The following DOCK4 variants were observed in gnomAD, a reference collection of about 807,000 sequenced individuals.
DOCK4 encodes dedicator of cytokinesis 4.
Under a neutral mutation model 268.1 loss-of-function variants are expected in DOCK4, and 97 were observed. The observed-to-expected ratio is 0.36, with a 90% CI of 0.31 to 0.43. DOCK4 has a LOEUF of 0.43. DOCK4 is among the 20% of genes least tolerant of loss of function. The pLI is 1.00. For synonymous variants in DOCK4, 954 were observed against 887.2 expected (o/e 1.08, Z -1.34); for missense variants, 2,145 against 2,455.7 (o/e 0.87, Z 2.67).
rs1466367655 is a variant in DOCK4 at position 112,044,395 on chromosome 7, G to A, written c.38-40264C>T. ...CTCATTCTACTTTTCTGAGCTTTAGGTTCTCCATTTCCATAAAAATGATCT... is the reference window on the plus strand; with the variant it reads ...CTCATTCTACTTTTCTGAGCTTTAGATTCTCCATTTCCATAAAAATGATCT... On this transcript the variant is annotated intron_variant, in intron 1 of 52. Transcript: ENST00000428084. Among the ~76,000 whole-genome samples, 4 of 152,014 alleles carry A rather than the reference G, an allele frequency of 2.6e-5. No homozygotes were observed. The East Asian group carries it at 7.7e-4, about 29-fold the overall frequency.
intron 12 of DOCK4, among the ~76,000 whole-genome samples, chr7:111,933,254 A>G (rs1794391135): frequency 7.0e-6 from 1 of 142,998 alleles, no homozygotes; most frequent in South Asian, 2.2e-4. Context: ...ATATACATAT[A>G]TACTTATATA....
At chr7:112,009,779 A>G (rs1488765786) in intron 1 of DOCK4, among the ~76,000 whole-genome samples, 1 of 152,136 alleles carries the variant, frequency 6.6e-6, no homozygotes, top group East Asian at 1.9e-4. Context: ...AAACAGAGAA[A>G]AAGGAAAGGG....
At position 111,873,006 on chromosome 7, in the gene DOCK4, C is replaced by CCAG. The variant is rs1250478177; in HGVS notation, c.1745-445_1745-443dup. On this transcript the variant is annotated intron_variant, in intron 17 of 52. Coordinates refer to ENST00000428084, the MANE Select transcript of DOCK4 (RefSeq NM_001363540.2). ...ACCTGCTTTATTCCCGTTTGGGTGC[C>CCAG]CAGCACATAGCACTCTGCCTAGCAA... 3.3e-5 allele frequency among the ~76,000 whole-genome samples: 5 copies of CCAG among 152,280 alleles called. No individual in the cohort carries two copies. The East Asian group carries it at 9.6e-4, about 29-fold the overall frequency.
chr7:111,802,243 G>A (rs1800354366), intron 30 of DOCK4, among the ~76,000 whole-genome samples: 1 of 152,128 alleles, frequency 6.6e-6, no homozygotes, highest in Non-Finnish European at 1.5e-5. Flanking sequence ...CCTGGAAATT[G>A]AGTGGGGGGA....
chr7:111,909,922 A>G (rs889156057), intron 13 of DOCK4, among the ~76,000 whole-genome samples: 1 of 151,978 alleles, frequency 6.6e-6, no homozygotes, highest in African/African-American at 2.4e-5. Flanking sequence ...TGATTGTACT[A>G]CTACACTCCA....
At chr7:112,109,036 G>C (rs1200182809) in intron 1 of DOCK4, among the ~76,000 whole-genome samples, 1 of 152,052 alleles carries the variant, frequency 6.6e-6, no homozygotes, top group African/African-American at 2.4e-5. Flanking sequence ...CATTTCAAAA[G>C]ATGGATGTAA....
chr7:112,091,775 T>C (rs1280247097), intron 1 of DOCK4, among the ~76,000 whole-genome samples: 1 of 152,048 alleles, frequency 6.6e-6, no homozygotes, highest in East Asian at 1.9e-4. Flanking sequence ...CTCCTGAGAT[T>C]TGAAATGAAC....
At chr7:112,085,035 T>C (rs2135733347) in intron 1 of DOCK4, among the ~76,000 whole-genome samples, 1 of 152,256 alleles carries the variant, frequency 6.6e-6, no homozygotes, top group East Asian at 1.9e-4. Context: ...AACAGTGCTC[T>C]TACTATATCC....
At chr7:112,103,339 A>T (rs969111285) in intron 1 of DOCK4, among the ~76,000 whole-genome samples, 3 of 152,194 alleles carry the variant, frequency 2.0e-5, no homozygotes, top group Non-Finnish European at 4.4e-5. Context: ...TGAAAAATGA[A>T]TGAGAACTGG....
chr7:111,842,737 T>C (rs770514117), intron 25 of DOCK4, among the ~76,000 whole-genome samples: 2 of 152,190 alleles, frequency 1.3e-5, no homozygotes, highest in Admixed American at 6.5e-5. Context: ...ACGGTCACCA[T>C]GGCCCAGCAG....
chr7:112,069,159 C>T (rs1401977247), intron 1 of DOCK4, among the ~76,000 whole-genome samples: 2 of 152,182 alleles, frequency 1.3e-5, no homozygotes, highest in African/African-American at 2.4e-5. Context: ...ATGGCTTGTA[C>T]ACCAAGCCGT....
chr7:111,784,082 C>T lies in DOCK4; in HGVS notation c.3428+15G>A, dbSNP rs1447865720. ...AACATCTCACAAGTAGCACAATTTG[C>T]AAACAATGTCTTACCTAGGATAGGG... On this transcript the variant is annotated intron_variant, in intron 33 of 52. Coordinates refer to ENST00000428084, the MANE Select transcript of DOCK4 (RefSeq NM_001363540.2). 1.9e-6 allele frequency: 3 copies of T among 1,580,298 alleles called. No individual in the cohort carries two copies. The South Asian group carries it at 3.4e-5, about 18-fold the overall frequency.
chr7:112,135,544 A>G (rs750457321), intron 1 of DOCK4, among the ~76,000 whole-genome samples: 1 of 152,178 alleles, frequency 6.6e-6, no homozygotes, highest in Non-Finnish European at 1.5e-5. Flanking sequence ...TATATAATCT[A>G]TCTCCTTTAA....
chr7:111,793,290 C>G (rs1025169944), intron 30 of DOCK4, among the ~76,000 whole-genome samples: 1 of 152,170 alleles, frequency 6.6e-6, no homozygotes, highest in African/African-American at 2.4e-5. Flanking sequence ...GAAAAACTTC[C>G]CCACAGTCTA....
chr7:111,940,393 GT>G (rs1175283911), intron 10 of DOCK4, among the ~76,000 whole-genome samples, 151 bp from the exon 11 acceptor site: 1 of 152,206 alleles, frequency 6.6e-6, no homozygotes, highest in African/African-American at 2.4e-5. Flanking sequence ...TATTGCTTCA[GT>G]TCTGGATTCT....
intron 8 of DOCK4, among the ~76,000 whole-genome samples, chr7:111,970,640 A>G (rs575917331): frequency 2.4e-4 from 36 of 152,344 alleles, no homozygotes; most frequent in Non-Finnish European, 4.9e-4. Context: ...CTCGTTTTAT[A>G]AAACTAATAA....
Position 111,755,084 on chromosome 7 carries a change from CT to C in DOCK4, c.4416+430del, listed in dbSNP as rs145864018. ...CTTGCTATGTGATCTTTGGCAAAGGCTTTTGACCTCTTGTCAAAAATTGCAA... is the reference window on the plus strand; with the variant it reads ...CTTGCTATGTGATCTTTGGCAAAGGCTTTGACCTCTTGTCAAAAATTGCAA... On this transcript the variant is annotated intron_variant, in intron 42 of 52. Coordinates refer to ENST00000428084, the MANE Select transcript of DOCK4 (RefSeq NM_001363540.2). Among the ~76,000 whole-genome samples, 946 of 152,290 alleles carry C rather than the reference CT, an allele frequency of 6.2e-3. 7 individuals are homozygous for C. The highest frequency in any genetic ancestry group is 0.022 in the African/African-American group (922 of 41,552).
chr7:111,829,414 G>A (rs1351191735), intron 26 of DOCK4, among the ~76,000 whole-genome samples: 7 of 152,246 alleles, frequency 4.6e-5, no homozygotes, highest in Admixed American at 2.0e-4. Context: ...ATCTCATGGC[G>A]GGGGAGGCAG....
In DOCK4 at chr7:112,045,739, C is replaced by G. The variant is rs535113240; in HGVS notation, c.38-41608G>C. Among the ~76,000 whole-genome samples, 33 of 152,224 alleles carry G rather than the reference C, an allele frequency of 2.2e-4. No homozygotes were observed. In the South Asian group the frequency reaches 6.4e-3, roughly 30 times the overall value. Reference sequence around the variant, plus strand: ...ATGAATAAATTCAAATGTCATGGCTCTAAGTCTGATGTGTGATAGGCTGGT... The same window carrying G: ...ATGAATAAATTCAAATGTCATGGCTGTAAGTCTGATGTGTGATAGGCTGGT... On this transcript the variant is annotated intron_variant, in intron 1 of 52. Coordinates refer to ENST00000428084, the MANE Select transcript of DOCK4 (RefSeq NM_001363540.2).
Sources: allele counts gnomAD v4.1 joint callset (sites outside exome capture counted in the v4.1 genomes callset), GRCh38; gene constraint gnomAD v4.1.1; transcripts MANE v1.5; gene names NCBI Gene and HGNC (gene_info 2026-07-23, HGNC 2026-07-21).